ST18: variants seen among roughly 807,000 people sequenced by gnomAD.
The protein encoded by ST18 is ST18 C2H2C-type zinc finger transcription factor.
In ST18, 50 loss-of-function variants were observed where a neutral mutation model predicts 110.0. The ratio of observed to expected loss-of-function variants is 0.45; its 90% confidence interval spans 0.36 to 0.58. The LOEUF (loss-of-function observed/expected upper bound fraction) is 0.58, where lower values mean the gene tolerates loss of function less well. ST18 is among the 20% of genes least tolerant of loss of function. The probability of loss-of-function intolerance (pLI) is 0.00; values close to 1 mark genes in which losing one functional copy is unlikely to be tolerated. For synonymous variants in ST18, 461 were observed against 452.4 expected (o/e 1.02, Z -0.24); for missense variants, 1,306 against 1,280.1 (o/e 1.02, Z -0.31).
chr8:52,365,045 C>G (rs1827284760), intron 2 of ST18, among the ~76,000 whole-genome samples: 2 of 151,608 alleles, frequency 1.3e-5, no homozygotes, highest in South Asian at 4.2e-4. Context: ...ACCTCGGAGG[C>G]AGAGGTTGCA....
At chr8:52,395,542 T>C (rs1475857242) in intron 2 of ST18, among the ~76,000 whole-genome samples, 1 of 152,190 alleles carries the variant, frequency 6.6e-6, no homozygotes, top group African/African-American at 2.4e-5. Flanking sequence ...GCTAGAACCA[T>C]GTCTGGTGAA....
rs146168923 is a variant in ST18 at position 52,132,131 on chromosome 8, G to A, written c.2493C>T (p.Tyr831=). 1,532 of 1,614,038 alleles carry A rather than the reference G, an allele frequency of 9.5e-4. 1 individual carries two copies. The highest frequency in any genetic ancestry group is 1.2e-3 in the Non-Finnish European group (1,452 of 1,180,032). Residue 831 remains tyrosine (Y), a synonymous_variant, in exon 22 of 26, where the codon TAC becomes TAT. Coordinates refer to ENST00000689386, the MANE Select transcript of ST18 (RefSeq NM_001352837.2). ...AGCCAGAAGCTGTGCGGTGTGATGT[G>A]TATTTACCTGATATGTGACCTTGGC... ...CDGQGHISGK[Y]TSHRTASGCP...
At position 52,111,971 on chromosome 8, in the gene ST18, TCTGTGTGTGAGTATGC is replaced by T. The variant is rs1173932099; in HGVS notation, c.*1211_*1226del. 6.6e-6 allele frequency: 1 copy of T among 152,386 alleles called. No individual in the cohort carries two copies. The highest frequency in any genetic ancestry group is 1.5e-5 in the Non-Finnish European group (1 of 68,006). The allele number at this position is 152,386 out of a possible 1,614,324, so 9.4% of individuals were successfully genotyped here. ...GTCTGTGTGTGTGTGTGTGTGTGTGTCTGTGTGTGAGTATGCCTGTGTGTGTGAGTGTGTGTGTATA... is the reference window on the plus strand; with the variant it reads ...GTCTGTGTGTGTGTGTGTGTGTGTGTCTGTGTGTGTGAGTGTGTGTGTATA... On this transcript the variant is annotated 3_prime_UTR_variant, in exon 26 of 26. Transcript: ENST00000689386.
At chr8:52,271,358 A>G (rs1292491670) in intron 2 of ST18, among the ~76,000 whole-genome samples, 1 of 152,200 alleles carries the variant, frequency 6.6e-6, no homozygotes, top group African/African-American at 2.4e-5. Context: ...TTCTCTTTCC[A>G]ATAGTGAATC....
At chr8:52,346,693 A>AT (rs1027146188) in intron 2 of ST18, among the ~76,000 whole-genome samples, 4 of 152,056 alleles carry the variant, frequency 2.6e-5, no homozygotes, top group South Asian at 2.1e-4. Flanking sequence ...GAAGGAAAAT[A>AT]TTTTTTTTAA....
chr8:52,172,477 C>T lies in ST18; in HGVS notation c.384G>A (p.Lys128=). The change falls in exon 10 of 26, where the codon AAG becomes AAA. Residue 128 remains lysine (K), a synonymous_variant. Transcript: ENST00000689386. ...RYSCYQELMV[K]SLMHLGKFEK... is the part of the protein sequence containing the mutation. ...CAAATTTCCCCAAGTGCATTAAAGA[C>T]TTGACCATGAGCTCTTGATAACAAG... 6.2e-7 allele frequency: 1 copy of T among 1,613,780 alleles called. No homozygotes were observed. Among genetic ancestry groups the T allele is most frequent in the Non-Finnish European group, 8.5e-7 (1 of 1,180,024 alleles).
At chr8:52,213,489 A>G (rs1162964332) in intron 7 of ST18, among the ~76,000 whole-genome samples, 1 of 152,074 alleles carries the variant, frequency 6.6e-6, no homozygotes, top group African/African-American at 2.4e-5. Context: ...AGCTATCCAG[A>G]GTGTTTTCAG....
intron 3 of ST18, chr8:52,222,106 T>G (rs1215513116): frequency 6.6e-6 from 1 of 152,166 alleles, no homozygotes; most frequent in Non-Finnish European, 1.5e-5. Context: ...TGGCTTTTTG[T>G]CTAATACCCT....
At chr8:52,136,221 C>T (rs1377755342) in intron 19 of ST18, among the ~76,000 whole-genome samples, 1 of 152,040 alleles carries the variant, frequency 6.6e-6, no homozygotes, top group Admixed American at 6.6e-5. Flanking sequence ...AATCAAAATA[C>T]CCAGCAGGTT....
chr8:52,248,963 TGC>T (rs2138149397), intron 2 of ST18, among the ~76,000 whole-genome samples: 1 of 152,270 alleles, frequency 6.6e-6, no homozygotes, highest in African/African-American at 2.4e-5. Flanking sequence ...CTCACATGCA[TGC>T]CCCAGGTTTC....
At chr8:52,227,654 T>C (rs2089952819) in intron 3 of ST18, among the ~76,000 whole-genome samples, 1 of 152,240 alleles carries the variant, frequency 6.6e-6, no homozygotes, top group African/African-American at 2.4e-5. Flanking sequence ...GCTTTGAATT[T>C]GATGATTTCA....
intron 2 of ST18, among the ~76,000 whole-genome samples, chr8:52,291,756 GT>G (rs1039643705): frequency 1.1e-4 from 17 of 150,824 alleles, no homozygotes; most frequent in East Asian, 7.8e-4. Context: ...AATAAACAAG[GT>G]TTTTTTTTGT....
At chr8:52,298,027 C>A (rs892754346) in intron 2 of ST18, among the ~76,000 whole-genome samples, 1 of 152,206 alleles carries the variant, frequency 6.6e-6, no homozygotes, top group Non-Finnish European at 1.5e-5. Context: ...GCCCAGCTCT[C>A]TACTTCTAAA....
chr8:52,192,960 C>T (rs1163302993), intron 8 of ST18, among the ~76,000 whole-genome samples: 1 of 152,158 alleles, frequency 6.6e-6, no homozygotes, highest in African/African-American at 2.4e-5. Flanking sequence ...AGTTGTAGGG[C>T]TGGGGGCTTA....
At chr8:52,379,451 T>C (rs1452123187) in intron 2 of ST18, among the ~76,000 whole-genome samples, 1 of 152,122 alleles carries the variant, frequency 6.6e-6, no homozygotes, top group Non-Finnish European at 1.5e-5. Context: ...CTATTTCCTA[T>C]GCACCGTGAA....
chr8:52,330,977 G>A (rs1809034223), intron 2 of ST18, among the ~76,000 whole-genome samples: 1 of 152,156 alleles, frequency 6.6e-6, no homozygotes, highest in South Asian at 2.1e-4. Context: ...AAGGCACAGG[G>A]GAAGGGGCAG....
intron 2 of ST18, among the ~76,000 whole-genome samples, chr8:52,364,407 T>C (rs2140487346): frequency 6.6e-6 from 1 of 152,330 alleles, no homozygotes; most frequent in East Asian, 1.9e-4. Context: ...CTGCATTCCA[T>C]ATCTTTGATA....
At chr8:52,336,897 A>G (rs1812355948) in intron 2 of ST18, among the ~76,000 whole-genome samples, 1 of 152,228 alleles carries the variant, frequency 6.6e-6, no homozygotes, top group South Asian at 2.1e-4. Context: ...GACCCCTACC[A>G]TGCCCCTTCT....
intron 2 of ST18, among the ~76,000 whole-genome samples, chr8:52,353,211 T>C (rs1041122982): frequency 6.6e-6 from 1 of 152,188 alleles, no homozygotes; most frequent in African/African-American, 2.4e-5. Flanking sequence ...ATAATACCAT[T>C]TATTGAACAT....
Sources: allele counts gnomAD v4.1 joint callset (sites outside exome capture counted in the v4.1 genomes callset), GRCh38; gene constraint gnomAD v4.1.1; transcripts MANE v1.5; gene names NCBI Gene and HGNC (gene_info 2026-07-23, HGNC 2026-07-21).